Variants in WASF1 observed in about 807,000 individuals in gnomAD.
WASF1 encodes actin-binding protein WASF1.
WASF1 carries 7 observed loss-of-function variants against 50.5 expected under a neutral mutation model. The ratio of observed to expected loss-of-function variants is 0.14; its 90% CI spans 0.08 to 0.26. The LOEUF (loss-of-function observed/expected upper bound fraction) is 0.26. Ranked by LOEUF, WASF1 falls within the 10% of genes least tolerant of loss-of-function variation. WASF1 has a pLI of 1.00. For missense variants in WASF1, 470 were observed against 694.7 expected (o/e 0.68, Z 3.64); for synonymous variants, 205 against 244.0 (o/e 0.84, Z 1.49).
intron 4 of WASF1, among the ~76,000 whole-genome samples, chr6:110,126,253 C>T (rs1774411488): frequency 6.6e-6 from 1 of 152,014 alleles, no homozygotes; most frequent in African/African-American, 2.4e-5. Flanking sequence ...AAACTGGGAA[C>T]TCTAACACTT....
intron 4 of WASF1, among the ~76,000 whole-genome samples, chr6:110,124,151 A>ATCTGTGCC (rs1774259428): frequency 7.1e-6 from 1 of 141,396 alleles, no homozygotes; most frequent in East Asian, 2.2e-4. Context: ...GCCACCAGTA[A>ATCTGTGCC]TCTGTGCCTC....
At chr6:110,144,538 C>T (rs902781507) in intron 3 of WASF1, among the ~76,000 whole-genome samples, 19 of 152,174 alleles carry the variant, frequency 1.2e-4, no homozygotes. Context: ...AGTCCTTGCC[C>T]ATGCCTATGT....
At chr6:110,133,085 A>G (rs1774768615) in intron 3 of WASF1, among the ~76,000 whole-genome samples, 1 of 151,846 alleles carries the variant, frequency 6.6e-6, no homozygotes, top group Non-Finnish European at 1.5e-5. Context: ...AGGTAACTCC[A>G]GAATGAAAAA....
rs142050284 is a variant in WASF1 at position 110,100,668 on chromosome 6, G to A, written c.1534C>T (p.Arg512Cys). 6 of 1,611,020 alleles carry A rather than the reference G, an allele frequency of 3.7e-6. No homozygotes were observed. The highest frequency in any genetic ancestry group is 2.2e-5 in the East Asian group (1 of 44,668). ...LEAIRKGIQL[R>C]KVEEQREQEA... ...TGTTCACGCTGCTCTTCTACTTTGC[G>A]TAGCTGAATACCTGATACAGTGAAT... The change falls in exon 11 of 11, where the codon CGC (arginine) becomes TGC (cysteine). Residue 512 changes from arginine to cysteine, a missense_variant. By Grantham distance (180) the Arg-to-Cys change is radical. This residue lies in a region of WASF1 where 36 missense variants were observed against 90.7 expected (regional missense o/e 0.40). Transcript: ENST00000392589.
In WASF1 at chr6:110,164,255, G is replaced by C. The variant is rs1776379053; in HGVS notation, c.-126-3523C>G. Among the ~76,000 whole-genome samples, 3 of 151,546 alleles carry C rather than the reference G, an allele frequency of 2.0e-5. No homozygotes were observed. The South Asian group carries it at 6.2e-4, about 31-fold the overall frequency. On this transcript the variant is annotated intron_variant, in intron 2 of 10. Coordinates refer to ENST00000392589, the MANE Select transcript of WASF1 (RefSeq NM_003931.3). ...CTGCTCTGTTAAGACAATGTTGAGA[G>C]AATGAGAAAACAAGCTACAGACTGG...
intron 3 of WASF1, among the ~76,000 whole-genome samples, chr6:110,153,250 C>G (rs1369428304): frequency 1.3e-5 from 2 of 152,074 alleles, no homozygotes; most frequent in Non-Finnish European, 2.9e-5. Context: ...AGCAGTTTAA[C>G]CATTTTACAT....
chr6:110,129,939 A>G (rs1356028099), intron 3 of WASF1, among the ~76,000 whole-genome samples: 2 of 152,228 alleles, frequency 1.3e-5, no homozygotes, highest in Middle Eastern at 3.2e-3. Context: ...GTTTCAACTT[A>G]TACTGTCATT....
intron 3 of WASF1, among the ~76,000 whole-genome samples, chr6:110,144,819 T>G (rs545857715): frequency 3.3e-5 from 5 of 152,192 alleles, no homozygotes; most frequent in Non-Finnish European, 2.9e-5. Flanking sequence ...TTGGTCTATC[T>G]CTCTGTTTTG....
At chr6:110,116,600 A>G (rs1458000964) in intron 4 of WASF1, among the ~76,000 whole-genome samples, 2 of 152,362 alleles carry the variant, frequency 1.3e-5, no homozygotes, top group African/African-American at 2.4e-5. Context: ...GGAAGGACGT[A>G]GTAGAACAAA....
chr6:110,177,434 A>C (rs1016218924), intron 2 of WASF1, among the ~76,000 whole-genome samples: 2 of 152,126 alleles, frequency 1.3e-5, no homozygotes, highest in African/African-American at 2.4e-5. Flanking sequence ...AATCAATGTT[A>C]ATCAGCCATT....
chr6:110,105,635 G>T lies in WASF1; in HGVS notation c.541-56C>A, dbSNP rs578010263. ...TGCTTAAGCGCTAATTTTTAAAAAGGAGGTTATAACAATCAAATTAAACTC... is the reference window on the plus strand; with the variant it reads ...TGCTTAAGCGCTAATTTTTAAAAAGTAGGTTATAACAATCAAATTAAACTC... On this transcript the variant is annotated intron_variant, in intron 7 of 10. Transcript: ENST00000392589. 4 of 1,548,422 alleles carry T rather than the reference G, an allele frequency of 2.6e-6. No homozygotes were observed. The African/African-American group carries it at 5.5e-5, about 21-fold the overall frequency.
At chr6:110,169,195 T>C (rs984294857) in intron 2 of WASF1, among the ~76,000 whole-genome samples, 7 of 152,124 alleles carry the variant, frequency 4.6e-5, no homozygotes, top group African/African-American at 1.4e-4. Context: ...TCTAAATTAC[T>C]TACACAAACT....
intron 3 of WASF1, among the ~76,000 whole-genome samples, chr6:110,139,087 T>C (rs191571667): frequency 1.2e-3 from 187 of 152,242 alleles, no homozygotes; most frequent in African/African-American, 4.3e-3. Flanking sequence ...GGGGTCAAGG[T>C]GGCAGGGGTT....
intron 4 of WASF1, among the ~76,000 whole-genome samples, chr6:110,124,865 G>A (rs1157693327): frequency 1.3e-5 from 2 of 152,036 alleles, no homozygotes; most frequent in South Asian, 4.1e-4. Context: ...AGCCAAGATC[G>A]CACCACTGCA....
chr6:110,130,844 C>T (rs1422506219), intron 3 of WASF1, among the ~76,000 whole-genome samples: 1 of 152,228 alleles, frequency 6.6e-6, no homozygotes, highest in Non-Finnish European at 1.5e-5. Context: ...GCTCCACATC[C>T]CCATAACACT....
At position 110,158,407 on chromosome 6, in the gene WASF1, C is replaced by T. The variant is rs571428797; in HGVS notation, c.-29+2228G>A. Among the ~76,000 whole-genome samples, 249 of 131,880 alleles carry T rather than the reference C, an allele frequency of 1.9e-3. 3 individuals carry two copies. Among genetic ancestry groups the T allele is most frequent in the Non-Finnish European group, 2.1e-3 (133 of 63,236 alleles). 86.5% of individuals were successfully genotyped at this position (131,880 alleles called of 152,430 possible). A position where few individuals can be genotyped will look rare whatever the true frequency, so the allele number is the denominator to read the frequency against. ...TCTGTGGGATCGGTGGTGATATCCC[C>T]TTTATCATTTTTTATTGTGTCTATT... On this transcript the variant is annotated intron_variant, in intron 3 of 10. Coordinates refer to ENST00000392589, the MANE Select transcript of WASF1 (RefSeq NM_003931.3).
At chr6:110,109,224 A>G (rs1215115171) in intron 5 of WASF1, among the ~76,000 whole-genome samples, 1 of 152,140 alleles carries the variant, frequency 6.6e-6, no homozygotes, top group African/African-American at 2.4e-5. Context: ...TAGGTGATCT[A>G]TATTATTCTC....
intron 4 of WASF1, among the ~76,000 whole-genome samples, chr6:110,114,780 T>C (rs926122675): frequency 2.7e-5 from 4 of 150,888 alleles, no homozygotes; most frequent in Non-Finnish European, 5.9e-5. Context: ...AAATAATTAG[T>C]TTCCATGTAT....
chr6:110,102,792 A>T (rs978112270), intron 9 of WASF1, among the ~76,000 whole-genome samples: 1 of 151,602 alleles, frequency 6.6e-6, no homozygotes, highest in African/African-American at 2.4e-5. Context: ...CTATTAGAAA[A>T]TTTCCCTAAT....
Sources: allele counts gnomAD v4.1 joint callset (sites outside exome capture counted in the v4.1 genomes callset), GRCh38; gene constraint gnomAD v4.1.1; regional missense constraint gnomAD v4.1.1; transcripts MANE v1.5; gene names NCBI Gene and HGNC (gene_info 2026-07-23, HGNC 2026-07-21).